Variants in RBM47 observed in about 807,000 individuals in gnomAD.
RBM47 encodes the protein RNA-binding protein 47.
In RBM47, 21 loss-of-function variants were observed where a neutral mutation model predicts 47.1. The observed-to-expected ratio is 0.45, with a 90% CI of 0.32 to 0.64. The LOEUF is 0.64. RBM47 is among the 30% of genes least tolerant of loss of function. The pLI is 0.05. For synonymous variants in RBM47, 375 were observed against 361.7 expected, an observed-to-expected ratio of 1.04 and a Z score of -0.42; for missense variants, 708 against 870.9, an observed-to-expected ratio of 0.81 and a Z score of 2.35.
intron 3 of RBM47, among the ~76,000 whole-genome samples, chr4:40,465,041 C>A (rs1717801616): frequency 1.3e-5 from 2 of 151,860 alleles, no homozygotes; most frequent in Admixed American, 6.6e-5. Context: ...AGATTTCCTT[C>A]CATTAGTATA....
chr4:40,545,313 A>T (rs1396240963), intron 1 of RBM47, among the ~76,000 whole-genome samples: 1 of 148,834 alleles, frequency 6.7e-6, no homozygotes, highest in Non-Finnish European at 1.5e-5. Flanking sequence ...AGCCTCCCAA[A>T]GTGCTGGGAT....
chr4:40,505,136 G>A (rs1723915418), intron 2 of RBM47, among the ~76,000 whole-genome samples: 1 of 152,072 alleles, frequency 6.6e-6, no homozygotes, highest in Non-Finnish European at 1.5e-5. Flanking sequence ...GGCCACAGTG[G>A]CTGTAATTGC....
chr4:40,609,120 G>A (rs1449555073), intron 1 of RBM47, among the ~76,000 whole-genome samples: 1 of 152,056 alleles, frequency 6.6e-6, no homozygotes, highest in Admixed American at 6.6e-5. Context: ...AGCCTCCTGA[G>A]TAGCTGGGAT....
At chr4:40,477,868 C>A (rs991206176) in intron 2 of RBM47, among the ~76,000 whole-genome samples, 5 of 151,916 alleles carry the variant, frequency 3.3e-5, no homozygotes, top group African/African-American at 9.7e-5. Flanking sequence ...TTAACAAACT[C>A]AAAAAATATA....
chr4:40,595,938 G>C (rs908059774), intron 1 of RBM47, among the ~76,000 whole-genome samples: 1 of 151,660 alleles, frequency 6.6e-6, no homozygotes, highest in Non-Finnish European at 1.5e-5. Flanking sequence ...GATGTTATTT[G>C]CTCAATTACT....
intron 1 of RBM47, among the ~76,000 whole-genome samples, chr4:40,552,969 T>C (rs1197129734): frequency 6.8e-6 from 1 of 147,208 alleles, no homozygotes; most frequent in African/African-American, 2.6e-5. Flanking sequence ...TTTCTTTTCT[T>C]TTTTCTTTTT....
At chr4:40,532,376 G>A (rs1367589642) in intron 2 of RBM47, among the ~76,000 whole-genome samples, 1 of 129,636 alleles carries the variant, frequency 7.7e-6, no homozygotes, top group East Asian at 2.3e-4. Flanking sequence ...GCAGTGGCAC[G>A]ATCTCGGCTC....
Position 40,435,907 on chromosome 4 carries a change from C to T in RBM47, c.1330+534G>A, listed in dbSNP as rs888214541. On this transcript the variant is annotated intron_variant, in intron 5 of 6. Coordinates refer to ENST00000295971, the MANE Select transcript of RBM47 (RefSeq NM_001098634.2). ...GGCGCAGTGGCTCACTCCTCTAATC[C>T]CAGCACTTTGGGAGGCCGAGACGGG... Among the ~76,000 whole-genome samples, 4 of 151,630 alleles carry T rather than the reference C, an allele frequency of 2.6e-5. No homozygotes were observed. In the East Asian group the frequency reaches 7.8e-4, roughly 29 times the overall value.
chr4:40,540,702 A>C (rs985941077), intron 2 of RBM47, among the ~76,000 whole-genome samples: 1 of 147,280 alleles, frequency 6.8e-6, no homozygotes, highest in Non-Finnish European at 1.5e-5. Context: ...TGGGGAAAAA[A>C]CCCTACTATT....
At chr4:40,449,069 C>T (rs758252465) in intron 3 of RBM47, among the ~76,000 whole-genome samples, 7 of 152,200 alleles carry the variant, frequency 4.6e-5, no homozygotes, top group Admixed American at 2.0e-4. Flanking sequence ...CGCCCACTCT[C>T]GGGCAGGCCC....
At chr4:40,558,417 G>A (rs1362731665) in intron 1 of RBM47, among the ~76,000 whole-genome samples, 2 of 151,524 alleles carry the variant, frequency 1.3e-5, no homozygotes, top group African/African-American at 2.4e-5. Flanking sequence ...GGTGGCTCAC[G>A]CCTGTAATCC....
At chr4:40,480,718 C>A (rs1448366497) in intron 2 of RBM47, among the ~76,000 whole-genome samples, 1 of 152,114 alleles carries the variant, frequency 6.6e-6, no homozygotes, top group Non-Finnish European at 1.5e-5. Context: ...TAGAAACCTG[C>A]TAGATTTTAT....
chr4:40,532,659 A>AT (rs11453162), intron 2 of RBM47, among the ~76,000 whole-genome samples: 76,178 of 147,870 alleles, frequency 0.52, 23,455 homozygotes, highest in African/African-American at 0.87. Flanking sequence ...CTTTTTAAAT[A>AT]TTTTTTTCCA....
At chr4:40,597,920 C>T (rs1578041811) in intron 1 of RBM47, among the ~76,000 whole-genome samples, 1 of 152,206 alleles carries the variant, frequency 6.6e-6, no homozygotes, top group Non-Finnish European at 1.5e-5. Context: ...CTCTTGATTT[C>T]ATTTCTGCAT....
chr4:40,626,293 G>A (rs1737729580), intron 1 of RBM47, among the ~76,000 whole-genome samples: 1 of 152,210 alleles, frequency 6.6e-6, no homozygotes, highest in Non-Finnish European at 1.5e-5. Flanking sequence ...GGCAGACAGT[G>A]GGAGTATGGT....
intron 2 of RBM47, among the ~76,000 whole-genome samples, chr4:40,492,205 T>A (rs1180807399): frequency 6.6e-6 from 1 of 151,758 alleles, no homozygotes; most frequent in African/African-American, 2.4e-5. Flanking sequence ...CTCATCTCTA[T>A]GAAAAATACA....
At chr4:40,488,822 A>G (rs11931412) in intron 2 of RBM47, among the ~76,000 whole-genome samples, 1,943 of 152,324 alleles carry the variant, frequency 0.013, 38 homozygotes, top group African/African-American at 0.044. Flanking sequence ...AACAGTTGTT[A>G]CCACCAGTTC....
intron 2 of RBM47, among the ~76,000 whole-genome samples, chr4:40,494,610 G>T (rs981248199): frequency 6.6e-6 from 1 of 152,150 alleles, no homozygotes; most frequent in Non-Finnish European, 1.5e-5. Context: ...ACAAAGCACC[G>T]CATTGAGACG....
At chr4:40,549,304 C>G (rs1280801423) in intron 1 of RBM47, among the ~76,000 whole-genome samples, 5 of 151,938 alleles carry the variant, frequency 3.3e-5, no homozygotes, top group African/African-American at 1.2e-4. Context: ...GTTAGCCAGG[C>G]TGGTCTCAAA....
Sources: allele counts gnomAD v4.1 joint callset (sites outside exome capture counted in the v4.1 genomes callset), GRCh38; gene constraint gnomAD v4.1.1; transcripts MANE v1.5; gene names NCBI Gene and HGNC (gene_info 2026-07-23, HGNC 2026-07-21).